The following GALNT13 variants were observed in gnomAD, a reference collection of about 807,000 sequenced individuals.
GALNT13 encodes the protein UDP-GalNAc:polypeptide N-acetylgalactosaminyltransferase 13.
In GALNT13, 28 loss-of-function variants were observed where a neutral mutation model predicts 64.2. That is an observed-to-expected ratio of 0.44 (90% CI 0.32 to 0.60). The LOEUF (loss-of-function observed/expected upper bound fraction) is 0.60. GALNT13 is among the 20% of genes least tolerant of loss of function. GALNT13 has a pLI of 0.05. For missense variants in GALNT13, 577 were observed against 669.8 expected (o/e 0.86, Z 1.53); for synonymous variants, 214 against 224.6 (o/e 0.95, Z 0.42).
chr2:153,218,047 G>A, the GALNT13 span, among the ~76,000 whole-genome samples: 1 of 152,096 alleles, frequency 6.6e-6, no homozygotes, highest in Non-Finnish European at 1.5e-5. Context: ...TGGATACCTT[G>A]ATAGAATCAT....
At chr2:153,754,723 G>A in the GALNT13 span, among the ~76,000 whole-genome samples, 3 of 152,036 alleles carry the variant, frequency 2.0e-5, no homozygotes, top group Admixed American at 1.3e-4. Flanking sequence ...TCAGTCCTCT[G>A]GTTCTAGGCC....
the GALNT13 span, among the ~76,000 whole-genome samples, chr2:153,861,255 G>T: frequency 6.6e-6 from 1 of 152,142 alleles, no homozygotes; most frequent in Non-Finnish European, 1.5e-5. Flanking sequence ...TATATGTAGT[G>T]TATACTTATT....
At chr2:154,119,255 T>C (rs1428719969) in intron 3 of GALNT13, among the ~76,000 whole-genome samples, 2 of 152,190 alleles carry the variant, frequency 1.3e-5, no homozygotes, top group African/African-American at 4.8e-5. Flanking sequence ...AATATATTAT[T>C]CAAATTTCTC....
intron 1 of GALNT13, among the ~76,000 whole-genome samples, chr2:153,899,327 C>T (rs1688079084): frequency 6.6e-6 from 1 of 152,022 alleles, no homozygotes; most frequent in African/African-American, 2.4e-5. Context: ...GTCTTCTTGT[C>T]TATGAGGATG....
At chr2:154,442,440 T>C (rs1320588609) in intron 12 of GALNT13, among the ~76,000 whole-genome samples, 1 of 152,104 alleles carries the variant, frequency 6.6e-6, no homozygotes, top group Non-Finnish European at 1.5e-5. Context: ...ATCTTATATG[T>C]GGCCTAACCT....
intron 3 of GALNT13, among the ~76,000 whole-genome samples, chr2:154,014,426 T>C (rs1045521988): frequency 4.0e-5 from 6 of 151,874 alleles, no homozygotes; most frequent in African/African-American, 1.5e-4. Context: ...AACAGCCCCA[T>C]GCAGGATTTC....
At chr2:154,158,944 C>G (rs1459043044) in intron 4 of GALNT13, among the ~76,000 whole-genome samples, 1 of 152,018 alleles carries the variant, frequency 6.6e-6, no homozygotes, top group Non-Finnish European at 1.5e-5. Context: ...CAACCCGTGA[C>G]ACTTTCTACT....
chr2:153,419,812 G>A, the GALNT13 span, among the ~76,000 whole-genome samples: 7 of 152,066 alleles, frequency 4.6e-5, no homozygotes, highest in East Asian at 9.6e-4. Flanking sequence ...TTAGTTTCAC[G>A]TGAATATACA....
At chr2:153,443,779 C>T in the GALNT13 span, among the ~76,000 whole-genome samples, 11 of 151,992 alleles carry the variant, frequency 7.2e-5, no homozygotes, top group South Asian at 6.2e-4. Context: ...GAAAATTAGC[C>T]GGGCGTGATG....
intron 9 of GALNT13, among the ~76,000 whole-genome samples, chr2:154,379,073 AC>A (rs1365297029): frequency 2.6e-5 from 4 of 152,164 alleles, no homozygotes; most frequent in Non-Finnish European, 5.9e-5. Context: ...GGCTAGAAAT[AC>A]ATAATGTGTG....
intron 3 of GALNT13, among the ~76,000 whole-genome samples, chr2:153,994,451 G>C (rs903215685): frequency 3.3e-5 from 5 of 152,136 alleles, no homozygotes; most frequent in East Asian, 3.9e-4. Context: ...ATGGCTGGGT[G>C]AAATGGTATT....
At chr2:153,294,278 G>A in the GALNT13 span, among the ~76,000 whole-genome samples, 1 of 152,076 alleles carries the variant, frequency 6.6e-6, no homozygotes, top group Non-Finnish European at 1.5e-5. Context: ...CAATACTCAG[G>A]TTCCCAGGAG....
At chr2:153,486,777 C>A in the GALNT13 span, among the ~76,000 whole-genome samples, 1 of 152,270 alleles carries the variant, frequency 6.6e-6, no homozygotes, top group East Asian at 1.9e-4. Flanking sequence ...ATTTTTGCCT[C>A]CACAGAATTT....
the GALNT13 span, among the ~76,000 whole-genome samples, chr2:153,603,868 T>C: frequency 2.4e-4 from 36 of 152,022 alleles, no homozygotes; most frequent in Non-Finnish European, 4.7e-4. Context: ...TCTAGGCTTA[T>C]ATTGAAAACT....
At chr2:154,437,830 G>GGGCT (rs1214535716) in intron 11 of GALNT13, 1 of 216,842 alleles carries the variant, frequency 4.6e-6, no homozygotes, top group Non-Finnish European at 9.2e-6. Context: ...ACTCCAGCCT[G>GGGCT]ACGACAGAGC....
At chr2:154,007,038 T>C (rs1459529128) in intron 3 of GALNT13, among the ~76,000 whole-genome samples, 1 of 152,234 alleles carries the variant, frequency 6.6e-6, no homozygotes, top group Non-Finnish European at 1.5e-5. Flanking sequence ...CAGCTGGATT[T>C]TGAGTTAATT....
At chr2:153,603,442 T>TCTATGATAG in the GALNT13 span, among the ~76,000 whole-genome samples, 1 of 151,984 alleles carries the variant, frequency 6.6e-6, no homozygotes, top group Non-Finnish European at 1.5e-5. Flanking sequence ...ACCCAGATGT[T>TCTATGATAG]ACCATATACT....
At chr2:153,221,030 T>C in the GALNT13 span, among the ~76,000 whole-genome samples, 1 of 152,166 alleles carries the variant, frequency 6.6e-6, no homozygotes, top group Non-Finnish European at 1.5e-5. Flanking sequence ...ATGTAACTAA[T>C]AAGTCCTCTG....
rs922421704 is a variant in GALNT13, at chr2:153,941,619, C to G, written c.-104-2775C>G. Among the ~76,000 whole-genome samples, 3 of 152,092 alleles carry G rather than the reference C, an allele frequency of 2.0e-5. No homozygotes were observed. The East Asian group carries it at 5.8e-4, about 29-fold the overall frequency. ...AAACCTGGGCCACCAACTGTGCTTACGTTGGTTAGTATTCTGTGTTTAAAG... is the reference window on the plus strand; with the variant it reads ...AAACCTGGGCCACCAACTGTGCTTAGGTTGGTTAGTATTCTGTGTTTAAAG... On this transcript the variant is annotated intron_variant, in intron 2 of 12. Transcript: ENST00000392825.
Sources: allele counts gnomAD v4.1 joint callset (sites outside exome capture counted in the v4.1 genomes callset), GRCh38; gene constraint gnomAD v4.1.1; transcripts MANE v1.5; gene names NCBI Gene and HGNC (gene_info 2026-07-23, HGNC 2026-07-21).